WDR72: variants seen among roughly 807,000 people sequenced by gnomAD.
WDR72 encodes the protein WD repeat domain 72, also known as WD repeat-containing protein 72.
WDR72 carries 120 observed loss-of-function variants against 124.2 expected under a neutral mutation model. That is an observed-to-expected ratio of 0.97 (90% CI 0.83 to 1.12). WDR72 has a LOEUF of 1.12. Ranked by LOEUF, WDR72 falls within the 50% of genes most tolerant of loss-of-function variation. The pLI, the probability that WDR72 is intolerant of heterozygous loss-of-function variation, is 0.00. For missense variants in WDR72, 1,387 were observed against 1,278.8 expected (o/e 1.08, Z -1.29); for synonymous variants, 452 against 441.7 (o/e 1.02, Z -0.29).
At chr15:53,688,959 T>C (rs1159240594) in intron 13 of WDR72, among the ~76,000 whole-genome samples, 13 of 152,106 alleles carry the variant, frequency 8.5e-5, no homozygotes, top group Non-Finnish European at 1.5e-4. Context: ...AAACAAGAAA[T>C]GGGGAAAGGA....
At chr15:53,644,219 G>A (rs945862066) in intron 14 of WDR72, among the ~76,000 whole-genome samples, 3 of 151,702 alleles carry the variant, frequency 2.0e-5, no homozygotes, top group East Asian at 1.9e-4. Context: ...ATATACGACC[G>A]GAAATGTGAA....
chr15:53,543,616 C>G (rs1893276880), intron 18 of WDR72, among the ~76,000 whole-genome samples: 1 of 151,062 alleles, frequency 6.6e-6, no homozygotes, highest in Non-Finnish European at 1.5e-5. Context: ...CATTCAAAAG[C>G]TAGCAGAAGG....
intron 11 of WDR72, among the ~76,000 whole-genome samples, chr15:53,703,657 G>A (rs1012751256): frequency 1.3e-5 from 2 of 151,926 alleles, no homozygotes; most frequent in African/African-American, 4.8e-5. Context: ...TGAGAGCACA[G>A]GACTACTGAC....
At chr15:53,620,636 C>T (rs1566988669) in intron 14 of WDR72, among the ~76,000 whole-genome samples, 2 of 152,036 alleles carry the variant, frequency 1.3e-5, no homozygotes, top group Non-Finnish European at 2.9e-5. Flanking sequence ...TCACCTTAAA[C>T]AAAAATCAAC....
At chr15:53,526,514 T>C (rs1235073542) in intron 18 of WDR72, among the ~76,000 whole-genome samples, 2 of 152,094 alleles carry the variant, frequency 1.3e-5, no homozygotes, top group Admixed American at 1.3e-4. Flanking sequence ...TTTTCTAAAT[T>C]GCTGCTGTTA....
intron 15 of WDR72, 84 bp from the exon 16 acceptor site, chr15:53,613,841 C>A: frequency 1.2e-6 from 1 of 865,350 alleles, no homozygotes; most frequent in South Asian, 1.4e-5. Context: ...GGGTACATGA[C>A]CACTTTAGCA....
rs1311883997 is a variant in WDR72 at position 53,616,168 on chromosome 15, G to C, written c.2038C>G (p.His680Asp). Reference protein sequence around the residue: ...VKTKWSNVGFHILLFDLENLV... With the variant: ...VKTKWSNVGFDILLFDLENLV... ...TTTTCCAGATCAAATAGAAGAATAT[G>C]AAAGCCAACGTTACTCCATTTTGTC... The change falls in exon 15 of 20, where the codon CAT becomes GAT. Residue 680 changes from histidine (H) to aspartate (D), a missense_variant. Coordinates refer to ENST00000360509, the MANE Select transcript of WDR72 (RefSeq NM_182758.4). 3 of 1,606,374 alleles carry C rather than the reference G, an allele frequency of 1.9e-6. No individual in the cohort carries two copies. In the South Asian group the frequency reaches 3.3e-5, roughly 18 times the overall value.
intron 19 of WDR72, among the ~76,000 whole-genome samples, chr15:53,522,691 A>C (rs1007649931): frequency 2.6e-5 from 4 of 152,084 alleles, no homozygotes; most frequent in African/African-American, 9.7e-5. Context: ...CTTTTATTGC[A>C]TGAGAGAAGG....
At chr15:53,737,992 T>C (rs2018405199) in intron 1 of WDR72, among the ~76,000 whole-genome samples, 1 of 152,134 alleles carries the variant, frequency 6.6e-6, no homozygotes, top group African/African-American at 2.4e-5. Flanking sequence ...TGAAATTGCC[T>C]CCTTCCCCAC....
At chr15:53,661,833 G>A (rs1488771368) in intron 14 of WDR72, among the ~76,000 whole-genome samples, 1 of 152,144 alleles carries the variant, frequency 6.6e-6, no homozygotes, top group Non-Finnish European at 1.5e-5. Flanking sequence ...ATTTTAGACA[G>A]TGAAGCTCTA....
intron 13 of WDR72, among the ~76,000 whole-genome samples, chr15:53,681,747 C>T (rs1200939188): frequency 6.6e-6 from 1 of 151,908 alleles, no homozygotes; most frequent in Non-Finnish European, 1.5e-5. Context: ...CTGAAGACAT[C>T]CTGCAAATAC....
intron 13 of WDR72, among the ~76,000 whole-genome samples, chr15:53,686,255 C>T (rs528274991): frequency 1.3e-5 from 2 of 152,088 alleles, no homozygotes; most frequent in South Asian, 4.2e-4. Flanking sequence ...CATTAAAAGA[C>T]ACAGACTGGC....
chr15:53,671,050 C>T (rs2015968062), intron 13 of WDR72, among the ~76,000 whole-genome samples: 2 of 152,130 alleles, frequency 1.3e-5, no homozygotes, highest in East Asian at 3.9e-4. Context: ...CTTCAGTACA[C>T]CAGAATGGGG....
At chr15:53,676,306 A>T (rs2016169868) in intron 13 of WDR72, among the ~76,000 whole-genome samples, 1 of 152,226 alleles carries the variant, frequency 6.6e-6, no homozygotes. Flanking sequence ...TGATTATTAA[A>T]GGGCAAAAGG....
At chr15:53,528,530 T>C (rs1566943459) in intron 18 of WDR72, among the ~76,000 whole-genome samples, 1 of 152,084 alleles carries the variant, frequency 6.6e-6, no homozygotes. Flanking sequence ...ATTTTGTGGG[T>C]AGCATTTTCT....
At position 53,597,352 on chromosome 15, in the gene WDR72, C is replaced by T. The variant is rs953821330; in HGVS notation, c.2953-78G>A. On this transcript the variant is annotated intron_variant, in intron 17 of 19. Coordinates refer to ENST00000360509, the MANE Select transcript of WDR72 (RefSeq NM_182758.4). ...GGTATGTTGCAAAAAATCCAAAGCC[C>T]GGAATTTAAATTTGAATAGGTTTCC... The T allele has an allele frequency of 9.0e-6, 13 of 1,440,656 alleles. 1 individual carries two copies. Among genetic ancestry groups the T allele is most frequent in the South Asian group, 4.8e-5 (4 of 82,702 alleles). The allele number at this position is 1,440,656 out of a possible 1,614,324, so 89.2% of individuals were successfully genotyped here.
chr15:53,580,117 T>A (rs191696656), intron 18 of WDR72, among the ~76,000 whole-genome samples: 1 of 152,064 alleles, frequency 6.6e-6, no homozygotes, highest in Non-Finnish European at 1.5e-5. Flanking sequence ...TTGCCCACCA[T>A]AAACTCTTAG....
chr15:53,556,784 A>G (rs1409107464), intron 18 of WDR72, among the ~76,000 whole-genome samples: 3 of 152,114 alleles, frequency 2.0e-5, no homozygotes, highest in Non-Finnish European at 4.4e-5. Flanking sequence ...ATGGTTCAAA[A>G]CCTTGCATAA....
intron 13 of WDR72, among the ~76,000 whole-genome samples, chr15:53,686,782 C>G (rs1026245471): frequency 2.8e-4 from 42 of 150,256 alleles, no homozygotes; most frequent in African/African-American, 1.0e-3. Context: ...CACACCACAC[C>G]TATTCCAAAA....
Sources: allele counts gnomAD v4.1 joint callset (sites outside exome capture counted in the v4.1 genomes callset), GRCh38; gene constraint gnomAD v4.1.1; transcripts MANE v1.5; gene names NCBI Gene and HGNC (gene_info 2026-07-23, HGNC 2026-07-21).